The following GUCY2F variants were observed in gnomAD, a reference collection of about 807,000 sequenced individuals.
GUCY2F encodes retinal guanylyl cyclase 2.
A neutral mutation model predicts 73.1 loss-of-function variants in GUCY2F; 61 were observed. That is an observed-to-expected ratio of 0.83 (90% CI 0.68 to 1.03). GUCY2F has a LOEUF of 1.03. GUCY2F is among the 50% of genes least tolerant of loss of function. The probability of loss-of-function intolerance (pLI) is 0.00; values close to 1 mark genes in which losing one functional copy is unlikely to be tolerated. For synonymous variants in GUCY2F, 331 were observed against 307.8 expected, an observed-to-expected ratio of 1.08 and a Z score of -0.79; for missense variants, 912 against 854.3, an observed-to-expected ratio of 1.07 and a Z score of -0.84.
chrX:109,413,951 C>CT (rs367594465), intron 8 of GUCY2F, among the ~76,000 whole-genome samples: 1,985 of 103,958 alleles, frequency 0.019, 50 homozygotes, highest in African/African-American at 0.064. Context: ...TTTCTTTCTT[C>CT]TTTTTTTTTT....
chrX:109,409,978 G>T (rs1931069430), intron 8 of GUCY2F, among the ~76,000 whole-genome samples: 1 of 111,068 alleles, frequency 9.0e-6, no homozygotes. Context: ...CAGGCAACCT[G>T]AAGAAACCTA....
intron 6 of GUCY2F, among the ~76,000 whole-genome samples, chrX:109,445,493 T>G (rs1457163820): frequency 8.9e-6 from 1 of 112,208 alleles, no homozygotes. Context: ...ATGAGCCATA[T>G]ATGTAATTTT....
At chrX:109,421,749 AT>A (rs200470472) in intron 8 of GUCY2F, among the ~76,000 whole-genome samples, 2 of 111,277 alleles carry the variant, frequency 1.8e-5, no homozygotes, top group African/African-American at 3.2e-5. Context: ...ATGTTATGTG[AT>A]TTTTTTTACC....
chrX:109,430,606 C>T (rs1931588237), intron 7 of GUCY2F, among the ~76,000 whole-genome samples: 2 of 112,306 alleles, frequency 1.8e-5, no homozygotes, highest in Non-Finnish European at 3.8e-5. Context: ...TACAGTTACT[C>T]AAGACAGGGA....
At position 109,392,968 on chromosome X, in the gene GUCY2F, A is replaced by T; in HGVS notation, c.2512T>A (p.Leu838Met). The T allele has an allele frequency of 2.6e-6, 3 of 1,161,238 alleles. No individual in the cohort carries two copies. Among genetic ancestry groups the T allele is most frequent in the Non-Finnish European group, 3.5e-6 (3 of 849,501 alleles). Residue 838 changes from leucine (L) to methionine (M), a missense_variant, in exon 13 of 20, where the codon TTG becomes ATG. Coordinates refer to ENST00000218006, the MANE Select transcript of GUCY2F (RefSeq NM_001522.3). The stretch of plus-strand genomic sequence containing the variant: ...AGCTCTTCAGTCCGCTCCCGAATCA[A>T]ATCTTCCAAGTTGCTAGAATATTGC... ...LEQYSSNLED[L>M]IRERTEELEI...
intron 9 of GUCY2F, among the ~76,000 whole-genome samples, chrX:109,406,066 G>C (rs1286400370): frequency 9.0e-6 from 1 of 111,588 alleles, no homozygotes; most frequent in African/African-American, 3.3e-5. Context: ...TCAGTATGCA[G>C]GAAGCCCAAA....
chrX:109,379,478 G>A (rs1035666860), intron 17 of GUCY2F, among the ~76,000 whole-genome samples: 1 of 111,768 alleles, frequency 8.9e-6, no homozygotes, highest in South Asian at 3.7e-4. Flanking sequence ...ACATCACTTT[G>A]TACCCCATAA....
Position 109,418,419 on chromosome X carries a change from G to A in GUCY2F, c.1792-9251C>T, listed in dbSNP as rs950225756. ...GACCACATGCTTGGCTATGGCCAAA[G>A]TTTTTGATAAATTTCAAGATTAAAT... is the stretch of plus-strand genomic sequence containing the variant. On this transcript the variant is annotated intron_variant, in intron 8 of 19. Transcript: ENST00000218006. Among the ~76,000 whole-genome samples, 6 of 111,695 alleles carry A rather than the reference G, an allele frequency of 5.4e-5. No individual in the cohort carries two copies. In the East Asian group the frequency reaches 1.7e-3, roughly 31 times the overall value.
intron 17 of GUCY2F, among the ~76,000 whole-genome samples, chrX:109,380,586 C>G (rs998252259): frequency 1.8e-5 from 2 of 111,366 alleles, no homozygotes; most frequent in Non-Finnish European, 3.8e-5. Flanking sequence ...AACAATAATC[C>G]AGGCCCAATG....
In GUCY2F at chrX:109,388,625, G is replaced by A. The variant is rs1395114739; in HGVS notation, c.2820C>T (p.Gly940=). ...TIGDAYMVAS[G]LPKRNGSRHA... is the part of the protein sequence containing the mutation. Reference sequence around the variant, plus strand: ...GCCTACTGCCATTCCTCTTTGGGAGGCCTGAAGCCACCATGTAGGCATCTC... The same window carrying A: ...GCCTACTGCCATTCCTCTTTGGGAGACCTGAAGCCACCATGTAGGCATCTC... Residue 940 remains glycine, a synonymous_variant, in exon 15 of 20, where the codon GGC becomes GGT. Coordinates refer to ENST00000218006, the MANE Select transcript of GUCY2F (RefSeq NM_001522.3). 3 of 1,198,214 alleles carry A rather than the reference G, an allele frequency of 2.5e-6. No individual in the cohort carries two copies. The highest frequency in any genetic ancestry group is 3.4e-6 in the Non-Finnish European group (3 of 884,800).
intron 8 of GUCY2F, among the ~76,000 whole-genome samples, chrX:109,426,529 C>G (rs1442928507): frequency 8.9e-6 from 1 of 112,077 alleles, no homozygotes; most frequent in Non-Finnish European, 1.9e-5. Flanking sequence ...ACTGGGACTA[C>G]AGGCACCGGC....
At chrX:109,381,836 G>A (rs1223766103) in intron 17 of GUCY2F, among the ~76,000 whole-genome samples, 1 of 112,758 alleles carries the variant, frequency 8.9e-6, no homozygotes, top group Non-Finnish European at 1.9e-5. Flanking sequence ...TCATTGGAAA[G>A]CCAAATTCTG....
chrX:109,392,953 T>TC lies in GUCY2F; in HGVS notation c.2526dup (p.Thr843AspfsTer2). The TC allele has an allele frequency of 1.7e-6, 2 of 1,176,690 alleles. No individual in the cohort carries two copies. Among genetic ancestry groups the TC allele is most frequent in the Non-Finnish European group, 2.3e-6 (2 of 863,765 alleles). On this transcript the variant is annotated frameshift_variant, in exon 13 of 20. Coordinates refer to ENST00000218006, the MANE Select transcript of GUCY2F (RefSeq NM_001522.3). LOFTEE classifies it high-confidence loss of function. ...TGTTTTTCAATTTCCAGCTCTTCAG[T>TC]CCGCTCCCGAATCAAATCTTCCAAG... is the stretch of plus-strand genomic sequence containing the variant.
intron 15 of GUCY2F, among the ~76,000 whole-genome samples, chrX:109,388,213 G>A (rs548213726): frequency 1.8e-5 from 2 of 111,626 alleles, no homozygotes; most frequent in Non-Finnish European, 3.8e-5. Flanking sequence ...ACATATACCT[G>A]TTGATCTTGT....
chrX:109,416,231 A>C (rs1370915281), intron 8 of GUCY2F, among the ~76,000 whole-genome samples: 2 of 111,552 alleles, frequency 1.8e-5, no homozygotes, highest in African/African-American at 3.2e-5. Context: ...ATTCATCCCA[A>C]AATGACACAA....
At chrX:109,446,154 G>T in intron 6 of GUCY2F, among the ~76,000 whole-genome samples, 1 of 111,977 alleles carries the variant, frequency 8.9e-6, no homozygotes, top group East Asian at 2.8e-4. Context: ...AACATTCCAT[G>T]CTCATGAATA....
chrX:109,475,707 C>G lies in GUCY2F; in HGVS notation c.230G>C (p.Arg77Pro), dbSNP rs1407151973. The change falls in exon 2 of 20, where the codon CGA becomes CCA. Residue 77 changes from arginine (R) to proline (P), a missense_variant. By Grantham distance (103) the Arg-to-Pro change is moderately radical (BLOSUM62 -2). Transcript: ENST00000218006. Reference protein sequence around the residue: ...FSKALPEVAARLAIERINRDP... With the variant: ...FSKALPEVAAPLAIERINRDP... ...CCGGTTGATTCGCTCAATGGCTAAT[C>G]GCGCAGCAACCTCAGGCAGGGCCTT... 3.3e-6 allele frequency: 4 copies of G among 1,211,223 alleles called. No homozygotes were observed. The highest frequency in any genetic ancestry group is 5.9e-5 in the East Asian group (2 of 33,827).
rs780239396 is a variant in GUCY2F at position 109,441,786 on chromosome X, T to C, written c.1570-304A>G. 6.3e-4 allele frequency among the ~76,000 whole-genome samples: 69 copies of C among 110,068 alleles called. 1 individual carries two copies. The highest frequency in any genetic ancestry group is 1.6e-3 in the South Asian group (4 of 2,570). ...AATTTAATCTGGGACCCTCACTTTA[T>C]AGACAAAAAAGTAAGACCAAAAAAA... On this transcript the variant is annotated intron_variant, in intron 6 of 19. Transcript: ENST00000218006.
At position 109,398,614 on chromosome X, in the gene GUCY2F, G is replaced by A. The variant is rs1930765820; in HGVS notation, c.2210C>T (p.Ala737Val). The A allele has an allele frequency of 8.3e-7, 1 of 1,205,126 alleles. No homozygotes were observed. Among genetic ancestry groups the A allele is most frequent in the South Asian group, 1.8e-5 (1 of 56,601 alleles). ...GSFAGDVYSFAIIMQEVMVRG... is the reference protein window; with the variant it reads ...GSFAGDVYSFVIIMQEVMVRG... Reference sequence around the variant, plus strand: ...GACCATCACTTCTTGCATGATGATGGCAAAGCTATAGACATCTCCTGCAAA... The same window carrying A: ...GACCATCACTTCTTGCATGATGATGACAAAGCTATAGACATCTCCTGCAAA... Residue 737 changes from alanine (A) to valine (V), a missense_variant, in exon 11 of 20, where the codon GCC becomes GTC. Coordinates refer to ENST00000218006, the MANE Select transcript of GUCY2F (RefSeq NM_001522.3).
Sources: allele counts gnomAD v4.1 joint callset (sites outside exome capture counted in the v4.1 genomes callset), GRCh38; gene constraint gnomAD v4.1.1; transcripts MANE v1.5; gene names NCBI Gene and HGNC (gene_info 2026-07-23, HGNC 2026-07-21).